PWWP3B: variants seen among roughly 807,000 people sequenced by gnomAD.
The protein encoded by PWWP3B is PWWP domain containing 3B.
In PWWP3B, 5 loss-of-function variants were observed where a neutral mutation model predicts 15.7. That is an observed-to-expected ratio of 0.32 (90% confidence interval 0.17 to 0.67). The LOEUF (loss-of-function observed/expected upper bound fraction) is 0.67. PWWP3B is among the 30% of genes least tolerant of loss of function. PWWP3B has a pLI of 0.74. For missense variants in PWWP3B, 519 were observed against 493.1 expected, an observed-to-expected ratio of 1.05 and a Z score of -0.50; for synonymous variants, 203 against 179.8, an observed-to-expected ratio of 1.13 and a Z score of -1.03.
intron 2 of PWWP3B, among the ~76,000 whole-genome samples, chrX:106,176,792 G>A (rs866141751): frequency 4.5e-5 from 5 of 111,584 alleles, no homozygotes; most frequent in Middle Eastern, 4.7e-3. Flanking sequence ...TGAAAAAAAC[G>A]ATGAAACTTT....
In PWWP3B at chrX:106,206,223, A is replaced by G. The variant is rs1924011549; in HGVS notation, c.791A>G (p.Glu264Gly). Reference protein sequence around the residue: ...LKEESEDTCLETLAVPSECSA... With the variant: ...LKEESEDTCLGTLAVPSECSA... ...GAAGAGAGCGAGGATACCTGCCTAG[A>G]GACCCTGGCTGTTCCCTCTGAATGC... is the stretch of plus-strand genomic sequence containing the variant. Residue 264 changes from glutamate (E) to glycine (G), a missense_variant, in exon 4 of 4, where the codon GAG becomes GGG. Transcript: ENST00000357175. 8.3e-7 allele frequency: 1 copy of G among 1,206,144 alleles called. No individual in the cohort carries two copies. Among genetic ancestry groups the G allele is most frequent in the Non-Finnish European group, 1.1e-6 (1 of 892,359 alleles).
rs111665949 is a variant in PWWP3B at position 106,173,740 on chromosome X, T to C, written c.-401+2601T>C. Among the ~76,000 whole-genome samples the C allele has an allele frequency of 3.7e-3, 411 of 111,932 alleles. 1 individual carries two copies. Among genetic ancestry groups the C allele is most frequent in the African/African-American group, 0.013 (392 of 30,856 alleles). On this transcript the variant is annotated intron_variant, in intron 2 of 3. Coordinates refer to ENST00000357175, the MANE Select transcript of PWWP3B (RefSeq NM_001171020.2). Reference sequence around the variant, plus strand: ...AACTAAGTAGCTAAAACTCTTTTTATTATTGTATTTTTAAATATATTAATG... The same window carrying C: ...AACTAAGTAGCTAAAACTCTTTTTACTATTGTATTTTTAAATATATTAATG...
At chrX:106,190,156 A>G (rs1304672823) in intron 2 of PWWP3B, among the ~76,000 whole-genome samples, 9 of 111,379 alleles carry the variant, frequency 8.1e-5, no homozygotes, top group Non-Finnish European at 1.7e-4. Flanking sequence ...TGACAGTCCC[A>G]CCAACAGTGT....
In PWWP3B at chrX:106,207,546, G is replaced by T; in HGVS notation, c.*23G>T. On this transcript the variant is annotated 3_prime_UTR_variant, in exon 4 of 4. Coordinates refer to ENST00000357175, the MANE Select transcript of PWWP3B (RefSeq NM_001171020.2). ...TAAATGTGCTGAAAGTTGAAACCAT[G>T]ACAGGGAGCTCTCATAGATACTAGT... is the stretch of plus-strand genomic sequence containing the variant. 9.0e-7 allele frequency: 1 copy of T among 1,117,026 alleles called. No individual in the cohort carries two copies. Among genetic ancestry groups the T allele is most frequent in the South Asian group, 2.3e-5 (1 of 44,028 alleles). The allele number at this position is 1,117,026 out of a possible 1,213,427, so 92.1% of individuals were successfully genotyped here. A position where few individuals can be genotyped will look rare whatever the true frequency, so the allele number is the denominator to read the frequency against.
intron 2 of PWWP3B, among the ~76,000 whole-genome samples, chrX:106,202,815 C>G (rs2147635905): frequency 8.9e-6 from 1 of 112,112 alleles, no homozygotes; most frequent in South Asian, 3.7e-4. Context: ...ACTATATGTT[C>G]TCACTTAAGA....
intron 2 of PWWP3B, among the ~76,000 whole-genome samples, chrX:106,195,522 G>T (rs1020360614): frequency 1.8e-5 from 2 of 111,401 alleles, no homozygotes; most frequent in African/African-American, 6.5e-5. Flanking sequence ...TAGCTGAGGG[G>T]TCAAGAAGAA....
rs1924095674 is a variant in PWWP3B, at chrX:106,207,227, T to C, written c.1795T>C (p.Tyr599His). Reference protein sequence around the residue: ...ANRFTPCIETYFEDEDQLDEV... With the variant: ...ANRFTPCIETHFEDEDQLDEV... ...TAGGTTCACACCCTGTATTGAAACA[T>C]ACTTTGAGGATGAAGATCAGTTGGA... Residue 599 changes from tyrosine (Y) to histidine (H), a missense_variant, in exon 4 of 4, where the codon TAC becomes CAC. By Grantham distance (83) the Tyr-to-His change is moderately conservative (BLOSUM62 2). Coordinates refer to ENST00000357175, the MANE Select transcript of PWWP3B (RefSeq NM_001171020.2). 8.3e-7 allele frequency: 1 copy of C among 1,208,896 alleles called. No homozygotes were observed. The highest frequency in any genetic ancestry group is 2.2e-5 in the Admixed American group (1 of 45,670).
chrX:106,189,362 T>G (rs1034534457), intron 2 of PWWP3B, among the ~76,000 whole-genome samples: 2 of 110,518 alleles, frequency 1.8e-5, no homozygotes, highest in African/African-American at 6.6e-5. Flanking sequence ...GTATATCTCC[T>G]AATGCTATCC....
intron 2 of PWWP3B, among the ~76,000 whole-genome samples, chrX:106,194,082 T>C (rs1377650449): frequency 2.7e-5 from 3 of 111,630 alleles, no homozygotes; most frequent in Admixed American, 9.5e-5. Context: ...ATTTGAATGT[T>C]GGCCTGCCTT....
intron 2 of PWWP3B, among the ~76,000 whole-genome samples, chrX:106,181,104 T>C (rs1248484416): frequency 9.0e-6 from 1 of 111,671 alleles, no homozygotes; most frequent in East Asian, 2.8e-4. Flanking sequence ...GTGTCCAGAG[T>C]TGGTTCCTTC....
chrX:106,193,276 C>G lies in PWWP3B; in HGVS notation c.-400-10709C>G, dbSNP rs1240192236. Among the ~76,000 whole-genome samples, 8 of 111,345 alleles carry G rather than the reference C, an allele frequency of 7.2e-5. No individual in the cohort carries two copies. The Admixed American group carries it at 7.6e-4, about 11-fold the overall frequency. On this transcript the variant is annotated intron_variant, in intron 2 of 3. Coordinates refer to ENST00000357175, the MANE Select transcript of PWWP3B (RefSeq NM_001171020.2). Reference sequence around the variant, plus strand: ...AGTTAGCTCTTCTTGTTGAATTGATCCCTTTACCATTATGTAATGGCCTTC... The same window carrying G: ...AGTTAGCTCTTCTTGTTGAATTGATGCCTTTACCATTATGTAATGGCCTTC...
chrX:106,206,373 C>T lies in PWWP3B; in HGVS notation c.941C>T (p.Ser314Leu). 8.3e-7 allele frequency: 1 copy of T among 1,205,425 alleles called. No homozygotes were observed. The highest frequency in any genetic ancestry group is 1.1e-6 in the Non-Finnish European group (1 of 892,254). The change falls in exon 4 of 4, where the codon TCA becomes TTA. Residue 314 changes from serine to leucine, a missense_variant. Ser to Leu is a moderately radical substitution (Grantham distance 145). Coordinates refer to ENST00000357175, the MANE Select transcript of PWWP3B (RefSeq NM_001171020.2). Reference sequence around the variant, plus strand: ...GCTGCAGCATGCCCTGGGAGTTGTTCAAGGGAATGCGAGGTTTCATTTAGT... The same window carrying T: ...GCTGCAGCATGCCCTGGGAGTTGTTTAAGGGAATGCGAGGTTTCATTTAGT... ...MGAAACPGSC[S>L]RECEVSFSAS...
chrX:106,177,991 A>G (rs926234881), intron 2 of PWWP3B, among the ~76,000 whole-genome samples: 7 of 111,950 alleles, frequency 6.3e-5, no homozygotes, highest in Non-Finnish European at 1.1e-4. Context: ...CATAATAAGA[A>G]GAGCAAAATA....
In PWWP3B at chrX:106,206,833, C is replaced by T. The variant is rs1305820615; in HGVS notation, c.1401C>T (p.Asp467=). The T allele has an allele frequency of 1.7e-6, 2 of 1,210,213 alleles. No homozygotes were observed. Among genetic ancestry groups the T allele is most frequent in the South Asian group, 1.8e-5 (1 of 56,950 alleles). Residue 467 remains aspartate, a synonymous_variant, in exon 4 of 4, where the codon GAC becomes GAT. Coordinates refer to ENST00000357175, the MANE Select transcript of PWWP3B (RefSeq NM_001171020.2). ...GGGAGGATTATAGTGAGAGTATTGACTGGTGCATCTCACTAATTTGTGACT... is the reference window on the plus strand; with the variant it reads ...GGGAGGATTATAGTGAGAGTATTGATTGGTGCATCTCACTAATTTGTGACT... ...KAREDYSESI[D]WCISLICDYR...
chrX:106,172,900 A>G (rs1265294122), intron 2 of PWWP3B, among the ~76,000 whole-genome samples: 2 of 111,880 alleles, frequency 1.8e-5, no homozygotes, highest in Non-Finnish European at 3.8e-5. Context: ...ATTGTGCTTC[A>G]GTGTTACAAT....
chrX:106,171,805 G>GTGAATAC (rs1921634466), intron 2 of PWWP3B, among the ~76,000 whole-genome samples: 1 of 110,233 alleles, frequency 9.1e-6, no homozygotes, highest in East Asian at 2.9e-4. Context: ...GCCTACAGTG[G>GTGAATAC]TGAATACTGA....
intron 2 of PWWP3B, among the ~76,000 whole-genome samples, chrX:106,202,301 T>C (rs1051345282): frequency 8.9e-6 from 1 of 111,981 alleles, no homozygotes; most frequent in Non-Finnish European, 1.9e-5. Context: ...TAATCTCTCA[T>C]GTTAACAGCA....
intron 1 of PWWP3B, among the ~76,000 whole-genome samples, chrX:106,168,851 CTG>C (rs771502944): frequency 8.9e-5 from 10 of 111,928 alleles, no homozygotes; most frequent in Non-Finnish European, 1.5e-4. Context: ...TAATGCATAA[CTG>C]TGCAAATTCG....
Position 106,205,861 on chromosome X carries a change from G to T in PWWP3B, c.429G>T (p.Gly143=). The T allele has an allele frequency of 1.7e-6, 2 of 1,211,374 alleles. No homozygotes were observed. Among genetic ancestry groups the T allele is most frequent in the Non-Finnish European group, 2.2e-6 (2 of 895,339 alleles). The change falls in exon 4 of 4, where the codon GGG becomes GGT. Residue 143 remains glycine, a synonymous_variant. Transcript: ENST00000357175. ...GGAAGGATGAAGGTGACTTACCAGG[G>T]TGTCTTGAGGAAAGGGAAAACTCAG... ...KYRKDEGDLP[G]CLEERENSAC... is the part of the protein sequence containing the mutation.
Sources: allele counts gnomAD v4.1 joint callset (sites outside exome capture counted in the v4.1 genomes callset), GRCh38; gene constraint gnomAD v4.1.1; transcripts MANE v1.5; gene names NCBI Gene and HGNC (gene_info 2026-07-23, HGNC 2026-07-21).